The following COX7B2 variants were observed in gnomAD, a reference collection of about 807,000 sequenced individuals.
COX7B2 encodes cytochrome c oxidase subunit 7B2, also known as cytochrome c oxidase subunit 7B2, mitochondrial.
For synonymous variants in COX7B2, 37 were observed against 32.1 expected (o/e 1.15, Z -0.51); for missense variants, 109 against 95.9 (o/e 1.14, Z -0.57).
intron 2 of COX7B2, among the ~76,000 whole-genome samples, chr4:46,771,907 G>C (rs1370272382): frequency 1.3e-5 from 2 of 152,022 alleles, no homozygotes; most frequent in Admixed American, 1.3e-4. Context: ...CATTTCCTTT[G>C]AGTATCATGT....
At chr4:46,908,077 T>C (rs537482443) in intron 1 of COX7B2, among the ~76,000 whole-genome samples, 1 of 151,966 alleles carries the variant, frequency 6.6e-6, no homozygotes, top group East Asian at 1.9e-4. Flanking sequence ...GGTCTCGATC[T>C]CTTGATCTCG....
At position 46,735,072 on chromosome 4, in the gene COX7B2, C is replaced by G; in HGVS notation, c.121G>C (p.Ala41Pro). 1 of 1,614,016 alleles carries G rather than the reference C, an allele frequency of 6.2e-7. No homozygotes were observed. The highest frequency in any genetic ancestry group is 1.1e-5 in the South Asian group (1 of 91,070). ...AAAGCAGTTCCACTGGCTAGCACAG[C>G]ATTACCATATTTATCATGAAAATCT... The part of the protein sequence containing the change: ...SPDFHDKYGN[A>P]VLASGTAFCV... The change falls in exon 3 of 3, where the codon GCT becomes CCT. Residue 41 changes from alanine (A) to proline (P), a missense_variant. Ala to Pro is a conservative substitution (Grantham distance 27). Coordinates refer to ENST00000355591, the MANE Select transcript of COX7B2 (RefSeq NM_130902.3).
intron 2 of COX7B2, among the ~76,000 whole-genome samples, chr4:46,777,794 CAT>C (rs969952162): frequency 6.6e-6 from 1 of 152,100 alleles, no homozygotes; most frequent in Non-Finnish European, 1.5e-5. Context: ...AGCCATGTGA[CAT>C]AAGGCAAATA....
At chr4:46,807,623 C>T (rs115447776) in intron 2 of COX7B2, among the ~76,000 whole-genome samples, 97 of 151,842 alleles carry the variant, frequency 6.4e-4, no homozygotes, top group African/African-American at 2.1e-3. Context: ...CATACTCTTC[C>T]AGGAGCTTTA....
At chr4:46,764,605 T>C (rs930862525) in intron 2 of COX7B2, among the ~76,000 whole-genome samples, 5 of 151,028 alleles carry the variant, frequency 3.3e-5, no homozygotes, top group African/African-American at 1.2e-4. Context: ...TACACATTTA[T>C]TGAAAGATAA....
At chr4:46,810,031 A>G (rs1577591464) in intron 2 of COX7B2, among the ~76,000 whole-genome samples, 3 of 152,056 alleles carry the variant, frequency 2.0e-5, no homozygotes, top group Admixed American at 2.0e-4. Flanking sequence ...CTTCAAGTCT[A>G]TTCTATCAGA....
At chr4:46,848,492 T>C (rs1216707606) in intron 1 of COX7B2, among the ~76,000 whole-genome samples, 1 of 152,096 alleles carries the variant, frequency 6.6e-6, no homozygotes, top group Non-Finnish European at 1.5e-5. Context: ...GTACAAAAAC[T>C]GTTTTATGCC....
Position 46,852,519 on chromosome 4 carries a change from C to T in COX7B2, c.-104-7505G>A, listed in dbSNP as rs144860892. Among the ~76,000 whole-genome samples the T allele has an allele frequency of 7.7e-3, 1,172 of 151,734 alleles. 19 individuals are homozygous for T. Among genetic ancestry groups the T allele is most frequent in the African/African-American group, 0.027 (1,128 of 41,378 alleles). On this transcript the variant is annotated intron_variant, in intron 1 of 2. Transcript: ENST00000355591. ...TAAAGGGGTGCCATTGCTTTTGACC[C>T]TCTTACCAGTCATAGCTAGGTTATA... is the stretch of plus-strand genomic sequence containing the variant.
rs962323345 is a variant in COX7B2, at chr4:46,871,867, T to C, written c.-104-26853A>G. ...GAGAAAAGGGAACACTTATACACTG[T>C]TGGTGGGAGTGTAAATTATTCCAAC... On this transcript the variant is annotated intron_variant, in intron 1 of 2. Transcript: ENST00000355591. Among the ~76,000 whole-genome samples the C allele has an allele frequency of 4.7e-4, 72 of 152,136 alleles. 1 individual carries two copies. Among genetic ancestry groups the C allele is most frequent in the African/African-American group, 1.7e-3 (70 of 41,450 alleles).
chr4:46,759,679 T>TA (rs952033716), intron 2 of COX7B2, among the ~76,000 whole-genome samples: 8 of 151,988 alleles, frequency 5.3e-5, no homozygotes, highest in African/African-American at 1.7e-4. Flanking sequence ...TGTTGATCAT[T>TA]AAAAAGTCAG....
chr4:46,853,147 C>G (rs772760900), intron 1 of COX7B2, among the ~76,000 whole-genome samples: 44 of 152,136 alleles, frequency 2.9e-4, no homozygotes, highest in Non-Finnish European at 5.4e-4. Context: ...GGGAACCTAA[C>G]TCTGTATTTC....
At chr4:46,824,416 G>C (rs1054024541) in intron 2 of COX7B2, among the ~76,000 whole-genome samples, 2 of 152,086 alleles carry the variant, frequency 1.3e-5, no homozygotes. Context: ...GCCCTCATGA[G>C]AGAATGAAAT....
At chr4:46,807,195 T>C (rs1255883127) in intron 2 of COX7B2, among the ~76,000 whole-genome samples, 3 of 151,972 alleles carry the variant, frequency 2.0e-5, no homozygotes, top group Non-Finnish European at 4.4e-5. Flanking sequence ...TTGTTTTTTT[T>C]ATAATAGCCA....
chr4:46,787,534 T>C (rs1281425324), intron 2 of COX7B2, among the ~76,000 whole-genome samples: 1 of 152,218 alleles, frequency 6.6e-6, no homozygotes, highest in East Asian at 1.9e-4. Flanking sequence ...TGGCACACTG[T>C]AGGTGCTCAA....
At chr4:46,898,725 C>T (rs1031683985) in intron 1 of COX7B2, among the ~76,000 whole-genome samples, 7 of 152,112 alleles carry the variant, frequency 4.6e-5, no homozygotes, top group African/African-American at 1.4e-4. Context: ...GTGCCCAGTC[C>T]ACTCAATTTA....
intron 2 of COX7B2, among the ~76,000 whole-genome samples, chr4:46,754,720 G>GTATATA (rs1244503006): frequency 2.0e-3 from 74 of 36,830 alleles, no homozygotes; most frequent in African/African-American, 8.7e-3. Context: ...GTGTGTGTGT[G>GTATATA]TGTGTGTGTA....
At chr4:46,830,029 A>G (rs375702174) in intron 2 of COX7B2, among the ~76,000 whole-genome samples, 7 of 152,288 alleles carry the variant, frequency 4.6e-5, no homozygotes, top group African/African-American at 1.4e-4. Context: ...AATAGATACT[A>G]TAAAAATGGA....
chr4:46,751,923 ACTT>A (rs1187962881), intron 2 of COX7B2, among the ~76,000 whole-genome samples: 5 of 152,014 alleles, frequency 3.3e-5, no homozygotes, highest in African/African-American at 1.2e-4. Flanking sequence ...TTCCATATGA[ACTT>A]TAAAGTAGTT....
chr4:46,851,449 A>G (rs776416868), intron 1 of COX7B2, among the ~76,000 whole-genome samples: 1 of 152,114 alleles, frequency 6.6e-6, no homozygotes, highest in Non-Finnish European at 1.5e-5. Flanking sequence ...AAGCTGCAAA[A>G]TTAGTAAGCA....
Sources: gnomAD v4.1 joint callset for allele counts (sites outside exome capture counted in the v4.1 genomes callset) on GRCh38, gnomAD v4.1.1 for gene constraint, MANE v1.5 for transcripts, NCBI Gene and HGNC (gene_info 2026-07-23, HGNC 2026-07-21) for gene names.